The following STPG2 variants were observed in gnomAD, a reference collection of about 807,000 sequenced individuals.
STPG2 encodes sperm-tail PG-rich repeat-containing protein 2.
STPG2 carries 56 observed loss-of-function variants against 54.2 expected under a neutral mutation model. That is an observed-to-expected ratio of 1.03 (90% confidence interval 0.83 to 1.29). The LOEUF is 1.29. Ranked by LOEUF, STPG2 falls within the 50% of genes most tolerant of loss-of-function variation. STPG2 has a pLI of 0.00. For synonymous variants in STPG2, 200 were observed against 181.8 expected (o/e 1.10, Z -0.81); for missense variants, 596 against 544.9 (o/e 1.09, Z -0.93).
chr4:98,051,990 G>C (rs1820486), intron 5 of STPG2, among the ~76,000 whole-genome samples: 59,649 of 151,322 alleles, frequency 0.39, 11,993 homozygotes, highest in Middle Eastern at 0.46. Flanking sequence ...AAGAGGCTGA[G>C]GCAGGAGAAT....
chr4:97,574,656 T>C (rs1009753076), intron 10 of STPG2, among the ~76,000 whole-genome samples: 2 of 152,016 alleles, frequency 1.3e-5, no homozygotes, highest in South Asian at 4.1e-4. Flanking sequence ...TATGGTTTGT[T>C]TCAGGGTGAA....
In STPG2 at chr4:97,637,023, G is replaced by T. The variant is rs562905198; in HGVS notation, c.1320+75676C>A. Among the ~76,000 whole-genome samples, 8 of 152,224 alleles carry T rather than the reference G, an allele frequency of 5.3e-5. No individual in the cohort carries two copies. The South Asian group carries it at 1.2e-3, about 24-fold the overall frequency. ...CAGCATCATCCTGATACCAAAGCCG[G>T]GCAGAGACAAAACCAAAAAAGAGAA... On this transcript the variant is annotated intron_variant, in intron 10 of 10. Transcript: ENST00000295268.
intron 9 of STPG2, among the ~76,000 whole-genome samples, chr4:97,775,694 G>C (rs1388015364): frequency 6.6e-6 from 1 of 152,154 alleles, no homozygotes; most frequent in Non-Finnish European, 1.5e-5. Context: ...TCCTCAAACT[G>C]TCACTAAAAC....
intron 9 of STPG2, among the ~76,000 whole-genome samples, chr4:97,736,814 T>C (rs548394525): frequency 1.3e-5 from 2 of 152,310 alleles, no homozygotes; most frequent in Admixed American, 1.3e-4. Context: ...CAGTAACCTC[T>C]GCAGACTTAA....
At chr4:97,685,921 T>C (rs974542233) in intron 10 of STPG2, among the ~76,000 whole-genome samples, 2 of 152,162 alleles carry the variant, frequency 1.3e-5, no homozygotes, top group Non-Finnish European at 2.9e-5. Flanking sequence ...GAATAGAGAA[T>C]AGTATTAGGT....
At chr4:97,850,388 T>G (rs980547764) in intron 8 of STPG2, among the ~76,000 whole-genome samples, 2 of 151,068 alleles carry the variant, frequency 1.3e-5, no homozygotes, top group Non-Finnish European at 3.0e-5. Context: ...AAAAGAAAAC[T>G]TAATGTATAC....
At chr4:97,721,458 T>C (rs1219552524) in intron 9 of STPG2, among the ~76,000 whole-genome samples, 2 of 152,086 alleles carry the variant, frequency 1.3e-5, no homozygotes, top group African/African-American at 2.4e-5. Context: ...AAGAAGCAAA[T>C]ATCAAATGGA....
rs75679769 is a variant in STPG2 at position 98,066,658 on chromosome 4, C to T, written c.612+39295G>A. On this transcript the variant is annotated intron_variant, in intron 5 of 10. Transcript: ENST00000295268. The stretch of plus-strand genomic sequence containing the variant: ...ACCCATATCTAACAAGAAAATATAT[C>T]TTAATCTGTAGGAACACTGAAAAAA... 9.2e-5 allele frequency among the ~76,000 whole-genome samples: 14 copies of T among 152,160 alleles called. No individual in the cohort carries two copies. In the East Asian group the frequency reaches 2.3e-3, roughly 25 times the overall value.
intron 5 of STPG2, among the ~76,000 whole-genome samples, chr4:98,075,241 G>A (rs1738125962): frequency 6.6e-6 from 1 of 152,082 alleles, no homozygotes; most frequent in East Asian, 1.9e-4. Context: ...TTTCTACTTG[G>A]ATTTGTAACT....
chr4:97,933,114 A>C (rs1732612339), intron 8 of STPG2, among the ~76,000 whole-genome samples: 1 of 151,984 alleles, frequency 6.6e-6, no homozygotes, highest in African/African-American at 2.4e-5. Context: ...TTTTCTAATG[A>C]TCAGTGATGT....
intron 10 of STPG2, among the ~76,000 whole-genome samples, chr4:97,698,559 T>G (rs1026687052): frequency 2.6e-5 from 4 of 152,104 alleles, no homozygotes; most frequent in African/African-American, 9.7e-5. Context: ...CAAAATGTAA[T>G]GTCGTGAGAA....
intron 5 of STPG2, among the ~76,000 whole-genome samples, chr4:98,026,960 CTT>C (rs1280551981): frequency 1.3e-5 from 2 of 152,106 alleles, no homozygotes; most frequent in Admixed American, 1.3e-4. Flanking sequence ...TATTGGTGTG[CTT>C]TCTATCTCTT....
intron 8 of STPG2, among the ~76,000 whole-genome samples, chr4:97,927,822 T>C (rs1387734302): frequency 6.6e-6 from 1 of 152,122 alleles, no homozygotes; most frequent in African/African-American, 2.4e-5. Flanking sequence ...AATGAGTTAA[T>C]ATGCATTTGG....
intron 2 of STPG2, among the ~76,000 whole-genome samples, chr4:98,133,907 A>C (rs1034655468): frequency 2.6e-5 from 4 of 152,010 alleles, no homozygotes; most frequent in African/African-American, 9.7e-5. Context: ...GAACCATTGA[A>C]GATAATCTGG....
intron 9 of STPG2, among the ~76,000 whole-genome samples, chr4:97,824,921 T>C (rs1728206185): frequency 6.6e-6 from 1 of 152,192 alleles, no homozygotes; most frequent in African/African-American, 2.4e-5. Flanking sequence ...CCAAAAACCA[T>C]GTTGAATTGT....
At chr4:97,907,670 A>C (rs1219300889) in intron 8 of STPG2, among the ~76,000 whole-genome samples, 3 of 152,206 alleles carry the variant, frequency 2.0e-5, no homozygotes, top group Non-Finnish European at 4.4e-5. Context: ...CAAAACAGAG[A>C]TATAGACCAA....
chr4:97,908,288 A>G lies in STPG2; in HGVS notation c.1044+35609T>C, dbSNP rs1190606740. Among the ~76,000 whole-genome samples, 38 of 152,206 alleles carry G rather than the reference A, an allele frequency of 2.5e-4. No homozygotes were observed. In the East Asian group the frequency reaches 7.0e-3, roughly 28 times the overall value. ...AATGCTCACCATCACTGGCCATCAG[A>G]GAAATGCAAATCAAAACCACAATGA... On this transcript the variant is annotated intron_variant, in intron 8 of 10. Transcript: ENST00000295268.
At position 97,694,838 on chromosome 4, in the gene STPG2, A is replaced by C. The variant is rs1197629706; in HGVS notation, c.1320+17861T>G. On this transcript the variant is annotated intron_variant, in intron 10 of 10. Transcript: ENST00000295268. ...AAAAAAAAAAAAAAAAAAAAAAAAA[A>C]AAAAAAAAAAAAATTAGCAACAAAA... 1.1e-4 allele frequency among the ~76,000 whole-genome samples: 15 copies of C among 141,338 alleles called. 1 individual carries two copies. The highest frequency in any genetic ancestry group is 4.1e-4 in the African/African-American group (14 of 34,434). The allele number at this position is 141,338 out of a possible 152,430, so 92.7% of individuals were successfully genotyped here.
intron 8 of STPG2, among the ~76,000 whole-genome samples, chr4:97,900,492 A>G (rs914349558): frequency 2.0e-5 from 3 of 152,104 alleles, no homozygotes; most frequent in African/African-American, 7.2e-5. Flanking sequence ...CTGCAGCCCT[A>G]TTCACAATAC....
Sources: allele counts gnomAD v4.1 joint callset (sites outside exome capture counted in the v4.1 genomes callset), GRCh38; gene constraint gnomAD v4.1.1; transcripts MANE v1.5; gene names NCBI Gene and HGNC (gene_info 2026-07-23, HGNC 2026-07-21).